The following HNRNPUL2 variants were observed in gnomAD, a reference collection of about 807,000 sequenced individuals.
The protein encoded by HNRNPUL2 is heterogeneous nuclear ribonucleoprotein U-like protein 2.
HNRNPUL2 carries 27 observed loss-of-function variants against 102.2 expected under a neutral mutation model. The observed-to-expected ratio is 0.26, with a 90% CI of 0.19 to 0.36. HNRNPUL2 has a LOEUF of 0.36. HNRNPUL2 is among the 10% of genes least tolerant of loss of function. The pLI is 1.00. For missense variants in HNRNPUL2, 936 were observed against 981.1 expected, an observed-to-expected ratio of 0.95 and a Z score of 0.61; for synonymous variants, 458 against 387.2, an observed-to-expected ratio of 1.18 and a Z score of -2.15.
In HNRNPUL2 at chr11:62,723,114, G is replaced by A. The variant is rs1281323875; in HGVS notation, c.892-211C>T. Reference sequence around the variant, plus strand: ...TAAAGCACAGTGCTTTTACCTACCTGCACTAATAAAAGCCTGATTGGACAG... The same window carrying A: ...TAAAGCACAGTGCTTTTACCTACCTACACTAATAAAAGCCTGATTGGACAG... On this transcript the variant is annotated intron_variant, in intron 4 of 13. Transcript: ENST00000301785. Among the ~76,000 whole-genome samples the A allele has an allele frequency of 3.9e-5, 6 of 152,230 alleles. No homozygotes were observed. The East Asian group carries it at 1.2e-3, about 29-fold the overall frequency.
At position 62,727,287 on chromosome 11, in the gene HNRNPUL2, C is replaced by A. The variant is rs926876961; in HGVS notation, c.-131G>T. ...CCAGCACTGAGCCCGCGCGAGCGAGCGCACGCACGCAGGAGCGGAGGCCGC... is the reference window on the plus strand; with the variant it reads ...CCAGCACTGAGCCCGCGCGAGCGAGAGCACGCACGCAGGAGCGGAGGCCGC... On this transcript the variant is annotated 5_prime_UTR_variant, in exon 1 of 14. Transcript: ENST00000301785. 7 of 1,140,458 alleles carry A rather than the reference C, an allele frequency of 6.1e-6. No individual in the cohort carries two copies. Among genetic ancestry groups the A allele is most frequent in the Non-Finnish European group, 7.7e-6 (7 of 910,450 alleles). The allele number at this position is 1,140,458 out of a possible 1,614,324, so 70.6% of individuals were successfully genotyped here. A position where few individuals can be genotyped will look rare whatever the true frequency, so the allele number is the denominator to read the frequency against.
chr11:62,723,051 G>A (rs567399276), intron 4 of HNRNPUL2, 148 bp from the exon 5 acceptor site: 5 of 650,790 alleles, frequency 7.7e-6, no homozygotes, highest in East Asian at 5.4e-5. Flanking sequence ...TAAAGCCACA[G>A]GGATCAATTT....
intron 1 of HNRNPUL2, among the ~76,000 whole-genome samples, chr11:62,725,064 G>C (rs2083734154): frequency 6.6e-6 from 1 of 152,102 alleles, no homozygotes; most frequent in African/African-American, 2.4e-5. Context: ...GCACATTTGG[G>C]GCAGAAAGGT....
rs1216756241 is a variant in HNRNPUL2, at chr11:62,714,009, G to C, written c.*1290C>G. ...CTAGAGGCCTCTCTGGGGACACACA[G>C]GGAAAGCGCCCCAAAAGGAATTTTG... On this transcript the variant is annotated 3_prime_UTR_variant, in exon 14 of 14. Transcript: ENST00000301785. 5.3e-5 allele frequency: 8 copies of C among 152,316 alleles called. No homozygotes were observed. In the East Asian group the frequency reaches 1.5e-3, roughly 29 times the overall value. 9.4% of individuals were successfully genotyped at this position (152,316 alleles called of 1,614,324 possible).
rs372053668 is a variant in HNRNPUL2 at position 62,715,320 on chromosome 11, G to A, written c.2223C>T (p.Tyr741=). 1.1e-5 allele frequency: 17 copies of A among 1,612,972 alleles called. No homozygotes were observed. Among genetic ancestry groups the A allele is most frequent in the Admixed American group, 1.7e-5 (1 of 59,920 alleles). The change falls in exon 14 of 14, where the codon TAC becomes TAT. Residue 741 remains tyrosine, a synonymous_variant. Coordinates refer to ENST00000301785, the MANE Select transcript of HNRNPUL2 (RefSeq NM_001079559.3). ...QDRDRYYRNY[Y]GYQGYR ...GGCTTCACCGATACCCTTGGTACCC[G>A]TAGTAATTCCTGTAGTATCGGTCTC...
At position 62,715,686 on chromosome 11, in the gene HNRNPUL2, G is replaced by A. The variant is rs367705233; in HGVS notation, c.2056-79C>T. The A allele has an allele frequency of 2.7e-4, 316 of 1,159,602 alleles. 1 individual carries two copies. Among genetic ancestry groups the A allele is most frequent in the African/African-American group, 1.6e-3 (107 of 65,858 alleles). 71.8% of individuals were successfully genotyped at this position (1,159,602 alleles called of 1,614,324 possible). Reference sequence around the variant, plus strand: ...CCCACCGTGACCCCCTTTTAAATGCGACACATCTTAGCTCGATATTATAAA... The same window carrying A: ...CCCACCGTGACCCCCTTTTAAATGCAACACATCTTAGCTCGATATTATAAA... On this transcript the variant is annotated intron_variant, in intron 12 of 13. Coordinates refer to ENST00000301785, the MANE Select transcript of HNRNPUL2 (RefSeq NM_001079559.3).
At chr11:62,724,481 G>C (rs114689672) in intron 1 of HNRNPUL2, 55 bp from the exon 2 acceptor site, 2 of 1,595,698 alleles carry the variant, frequency 1.3e-6, no homozygotes, top group Non-Finnish European at 1.7e-6. Context: ...TGTAGAATAA[G>C]CTCACAACTA....
At position 62,726,952 on chromosome 11, in the gene HNRNPUL2, C is replaced by G. The variant is rs1309738024; in HGVS notation, c.205G>C (p.Gly69Arg). 2.7e-6 allele frequency: 4 copies of G among 1,462,336 alleles called. No individual in the cohort carries two copies. The highest frequency in any genetic ancestry group is 3.6e-6 in the Non-Finnish European group (4 of 1,114,926). 90.6% of individuals were successfully genotyped at this position (1,462,336 alleles called of 1,614,324 possible). ...AEPRPVAASGGGPGGDEEEDE... is the reference protein window; with the variant it reads ...AEPRPVAASGRGPGGDEEEDE... Reference sequence around the variant, plus strand: ...TCCTCCTCGTCCCCGCCCGGGCCGCCGCCCGACGCGGCCACAGGCCGAGGC... The same window carrying G: ...TCCTCCTCGTCCCCGCCCGGGCCGCGGCCCGACGCGGCCACAGGCCGAGGC... The change falls in exon 1 of 14, where the codon GGC becomes CGC. Residue 69 changes from glycine to arginine, a missense_variant. Around this residue, in one of 2 missense-constraint regions of HNRNPUL2, gnomAD observed 327 missense variants for 268.1 expected, o/e 1.22. Coordinates refer to ENST00000301785, the MANE Select transcript of HNRNPUL2 (RefSeq NM_001079559.3).
At chr11:62,723,199 A>G (rs2083717454) in intron 4 of HNRNPUL2, among the ~76,000 whole-genome samples, 1 of 152,154 alleles carries the variant, frequency 6.6e-6, no homozygotes, top group South Asian at 2.1e-4. Context: ...TTAAAAAAAT[A>G]TTTCTTCCCC....
chr11:62,719,399 TGAG>T lies in HNRNPUL2; in HGVS notation c.1780+621_1780+623del, dbSNP rs542909592. On this transcript the variant is annotated intron_variant, in intron 10 of 13. Transcript: ENST00000301785. Reference sequence around the variant, plus strand: ...CCAGGAGGTGGACGTTGCAGTGAGCTGAGATCACACCACTGCACTCCAGGCTGG... The same window carrying T: ...CCAGGAGGTGGACGTTGCAGTGAGCTATCACACCACTGCACTCCAGGCTGG... Among the ~76,000 whole-genome samples, 229 of 152,266 alleles carry T rather than the reference TGAG, an allele frequency of 1.5e-3. 1 individual carries two copies. The highest frequency in any genetic ancestry group is 2.5e-3 in the Non-Finnish European group (170 of 68,014).
Position 62,725,613 on chromosome 11 carries a change from T to C in HNRNPUL2, c.538+1006A>G, listed in dbSNP as rs373508813. On this transcript the variant is annotated intron_variant, in intron 1 of 13. Coordinates refer to ENST00000301785, the MANE Select transcript of HNRNPUL2 (RefSeq NM_001079559.3). Reference sequence around the variant, plus strand: ...ACAATCTGCAAGTTGCATGTGATTGTTGTACAATGGGTTCCGATTATACCA... The same window carrying C: ...ACAATCTGCAAGTTGCATGTGATTGCTGTACAATGGGTTCCGATTATACCA... Among the ~76,000 whole-genome samples the C allele has an allele frequency of 2.6e-5, 4 of 152,250 alleles. No homozygotes were observed. The South Asian group carries it at 8.3e-4, about 31-fold the overall frequency.
chr11:62,721,799 A>C, intron 8 of HNRNPUL2, 21 bp downstream of exon 8: 1 of 1,613,772 alleles, frequency 6.2e-7, no homozygotes, highest in South Asian at 1.1e-5. Context: ...TGTATCCGAC[A>C]AATCCCCAAC....
chr11:62,724,299 G>A lies in HNRNPUL2; in HGVS notation c.666C>T (p.Tyr222=). 6.2e-7 allele frequency: 1 copy of A among 1,614,138 alleles called. No homozygotes were observed. The highest frequency in any genetic ancestry group is 8.5e-7 in the Non-Finnish European group (1 of 1,180,042). The part of the protein sequence containing the change: ...RAYYEFREEA[Y]HSRSKSPLPP... The stretch of plus-strand genomic sequence containing the variant: ...GGGACTGTTTCCCTCACCGGCTGTG[G>A]TAAGCCTCCTCTCGGAATTCATAGT... Residue 222 remains tyrosine (Y), a synonymous_variant, in exon 2 of 14, where the codon TAC becomes TAT. Transcript: ENST00000301785.
chr11:62,723,156 G>A (rs371502888), intron 4 of HNRNPUL2, among the ~76,000 whole-genome samples: 3 of 152,190 alleles, frequency 2.0e-5, no homozygotes, highest in African/African-American at 7.2e-5. Flanking sequence ...AGTATACATA[G>A]GTAGTAGCTT....
chr11:62,726,651 T>C lies in HNRNPUL2; in HGVS notation c.506A>G (p.Glu169Gly). The part of the protein sequence containing the change: ...ERSGDETPGS[E>G]VPGDKAAEEQ... ...CTCGGCGGCCTTGTCACCCGGCACCTCGGATCCCGGCGTCTCGTCCCCGCT... is the reference window on the plus strand; with the variant it reads ...CTCGGCGGCCTTGTCACCCGGCACCCCGGATCCCGGCGTCTCGTCCCCGCT... The change falls in exon 1 of 14, where the codon GAG becomes GGG. Residue 169 changes from glutamate (E) to glycine (G), a missense_variant. Transcript: ENST00000301785. 6.3e-7 allele frequency: 1 copy of C among 1,597,200 alleles called. No homozygotes were observed. The highest frequency in any genetic ancestry group is 8.5e-7 in the Non-Finnish European group (1 of 1,178,210).
chr11:62,720,276 T>A, intron 9 of HNRNPUL2, 85 bp from the exon 10 acceptor site: 1 of 1,335,982 alleles, frequency 7.5e-7, no homozygotes, highest in Non-Finnish European at 1.1e-6. Flanking sequence ...CTGGGCACGG[T>A]GGCTCACGCC....
Position 62,727,157 on chromosome 11 carries a change from C to A in HNRNPUL2, c.-1G>T. The A allele has an allele frequency of 1.4e-6, 2 of 1,427,544 alleles. No individual in the cohort carries two copies. Among genetic ancestry groups the A allele is most frequent in the Non-Finnish European group, 9.2e-7 (1 of 1,091,718 alleles). 88.4% of individuals were successfully genotyped at this position (1,427,544 alleles called of 1,614,324 possible). A position where few individuals can be genotyped will look rare whatever the true frequency, so the allele number is the denominator to read the frequency against. ...TCACTTTCAGCCGCTTCACCTCCAT[C>A]GCCGCCGCCGCCTCCTCCGCCTCCC... On this transcript the variant is annotated 5_prime_UTR_variant, in exon 1 of 14. Coordinates refer to ENST00000301785, the MANE Select transcript of HNRNPUL2 (RefSeq NM_001079559.3).
chr11:62,722,358 T>A lies in HNRNPUL2; in HGVS notation c.1118A>T (p.Glu373Val). The change falls in exon 7 of 14, where the codon GAA becomes GTA. Residue 373 changes from glutamate (E) to valine (V), a missense_variant. Around this residue, in one of 2 missense-constraint regions of HNRNPUL2, gnomAD observed 609 missense variants for 713.0 expected, o/e 0.85. Transcript: ENST00000301785. ...TTCTCCATTCTTGGAGAAGGAAAGT[T>A]CTACTTCTTCAGTCTCAAAATTCTA... is the stretch of plus-strand genomic sequence containing the variant. ...CFANFETEEV[E>V]LSFSKNGEDL... is the part of the protein sequence containing the mutation. The A allele has an allele frequency of 1.9e-6, 3 of 1,613,916 alleles. No individual in the cohort carries two copies. Among genetic ancestry groups the A allele is most frequent in the Non-Finnish European group, 2.5e-6 (3 of 1,179,886 alleles).
At chr11:62,720,577 C>G (rs1176294516) in intron 9 of HNRNPUL2, among the ~76,000 whole-genome samples, 1 of 145,562 alleles carries the variant, frequency 6.9e-6, no homozygotes, top group Non-Finnish European at 1.5e-5. Flanking sequence ...AAAAAAAAGG[C>G]CGGGCGTGAC....
Sources: allele counts gnomAD v4.1 joint callset (sites outside exome capture counted in the v4.1 genomes callset), GRCh38; gene constraint gnomAD v4.1.1; regional missense constraint gnomAD v4.1.1; transcripts MANE v1.5; gene names NCBI Gene and HGNC (gene_info 2026-07-23, HGNC 2026-07-21).